The following ANO10 variants were observed in gnomAD, a reference collection of about 807,000 sequenced individuals.
ANO10 encodes the protein anoctamin 10.
In ANO10, 77 loss-of-function variants were observed where a neutral mutation model predicts 74.7. The observed-to-expected ratio is 1.03, with a 90% CI of 0.86 to 1.25. The LOEUF (loss-of-function observed/expected upper bound fraction) is 1.25, where lower values mean the gene tolerates loss of function less well. Among genes scored for constraint, ANO10 ranks in the 50% most tolerant of loss-of-function variants. The probability of loss-of-function intolerance (pLI) is 0.00; values close to 1 mark genes in which losing one functional copy is unlikely to be tolerated. For synonymous variants in ANO10, 279 were observed against 284.9 expected (o/e 0.98, Z 0.21); for missense variants, 721 against 778.1 (o/e 0.93, Z 0.87).
intron 11 of ANO10, among the ~76,000 whole-genome samples, chr3:43,530,284 TACGCTATTGAATAG>T (rs1307165104): frequency 6.6e-6 from 1 of 151,978 alleles, no homozygotes; most frequent in Non-Finnish European, 1.5e-5. Flanking sequence ...CTAACAGGAA[TACGCTATTGAATAG>T]ACTTTAACAA....
chr3:43,455,041 G>A (rs998989409), intron 11 of ANO10, among the ~76,000 whole-genome samples: 3 of 152,126 alleles, frequency 2.0e-5, no homozygotes, highest in African/African-American at 7.2e-5. Flanking sequence ...CTCATGGGGC[G>A]CAGATGTGGG....
chr3:43,586,788 A>C (rs903702846), intron 4 of ANO10, among the ~76,000 whole-genome samples: 1 of 152,180 alleles, frequency 6.6e-6, no homozygotes, highest in African/African-American at 2.4e-5. Flanking sequence ...TGAGAGCTGA[A>C]GGAGAGAGCT....
intron 11 of ANO10, among the ~76,000 whole-genome samples, chr3:43,494,742 A>G (rs1181227996): frequency 6.6e-6 from 1 of 152,166 alleles, no homozygotes; most frequent in African/African-American, 2.4e-5. Context: ...CTTATGTGAA[A>G]GAACTAAAAA....
At chr3:43,609,740 A>C (rs2082723530) in intron 1 of ANO10, among the ~76,000 whole-genome samples, 1 of 152,238 alleles carries the variant, frequency 6.6e-6, no homozygotes, top group Admixed American at 6.5e-5. Context: ...ACTGCACTGA[A>C]TCCTGTAGGC....
At chr3:43,690,802 GAT>G in intron 1 of ANO10, 1 of 474,528 alleles carries the variant, frequency 2.1e-6, no homozygotes, top group East Asian at 3.7e-5. Flanking sequence ...GCTGGCTGGG[GAT>G]GGCGGACGCA....
At position 43,577,165 on chromosome 3, in the gene ANO10, A is replaced by T. The variant is rs1314550031; in HGVS notation, c.689T>A (p.Leu230Ter). 1.9e-6 allele frequency: 3 copies of T among 1,614,204 alleles called. No homozygotes were observed. Among genetic ancestry groups the T allele is most frequent in the Non-Finnish European group, 2.5e-6 (3 of 1,180,018 alleles). ...FALIPMAVIG[L>*]PYYLFVWEDY... is the part of the protein sequence containing the mutation. ...TTCCCACACAAACAAGTAGTAAGGT[A>T]ACCCAATGACAGCCATGGGGATTAA... The change falls in exon 6 of 13, where the codon TTA (leucine) becomes TAA (stop). Residue 230 changes from leucine to a stop codon, truncating the protein, a stop_gained. Coordinates refer to ENST00000292246, the MANE Select transcript of ANO10 (RefSeq NM_018075.5). LOFTEE classifies it high-confidence loss of function.
intron 11 of ANO10, among the ~76,000 whole-genome samples, chr3:43,529,154 A>C (rs1321043049): frequency 6.6e-6 from 1 of 152,210 alleles, no homozygotes; most frequent in East Asian, 1.9e-4. Flanking sequence ...TGACCAAGTC[A>C]CTTGCTAAAG....
chr3:43,576,570 C>T (rs1439174558), intron 6 of ANO10, 122 bp downstream of exon 6: 9 of 1,016,610 alleles, frequency 8.9e-6, no homozygotes, highest in Non-Finnish European at 4.4e-6. Flanking sequence ...TTCCTTATGT[C>T]TCTATAATGA....
chr3:43,480,705 G>C (rs1194083939), intron 11 of ANO10, among the ~76,000 whole-genome samples: 1 of 152,182 alleles, frequency 6.6e-6, no homozygotes, highest in African/African-American at 2.4e-5. Flanking sequence ...CAGCCAGTCT[G>C]GAGGTGAACT....
chr3:43,593,052 T>G (rs183746644), intron 4 of ANO10, among the ~76,000 whole-genome samples: 1 of 151,780 alleles, frequency 6.6e-6, no homozygotes, highest in Admixed American at 6.6e-5. Context: ...AGAAGAGAAG[T>G]TTAGAGAAAA....
intron 11 of ANO10, among the ~76,000 whole-genome samples, chr3:43,531,005 T>A (rs1355820509): frequency 6.6e-6 from 1 of 152,166 alleles, no homozygotes; most frequent in Admixed American, 6.6e-5. Flanking sequence ...GAAAAAGTGT[T>A]GATATCAAAA....
At chr3:43,460,849 A>G (rs1400421914) in intron 11 of ANO10, among the ~76,000 whole-genome samples, 3 of 152,332 alleles carry the variant, frequency 2.0e-5, no homozygotes, top group Non-Finnish European at 2.9e-5. Flanking sequence ...ATACAACAAG[A>G]GCAGACACTC....
chr3:43,467,596 G>A (rs2075681065), intron 11 of ANO10, among the ~76,000 whole-genome samples: 1 of 152,226 alleles, frequency 6.6e-6, no homozygotes. Context: ...GGGAGTAGAA[G>A]GGACTGATTG....
intron 11 of ANO10, among the ~76,000 whole-genome samples, chr3:43,533,641 T>C (rs1050943306): frequency 2.0e-5 from 3 of 152,242 alleles, no homozygotes; most frequent in Admixed American, 2.0e-4. Flanking sequence ...AAATATTTGT[T>C]ATTCATAAGC....
At chr3:43,651,076 C>T (rs904284948) in intron 1 of ANO10, among the ~76,000 whole-genome samples, 4 of 152,002 alleles carry the variant, frequency 2.6e-5, no homozygotes, top group African/African-American at 9.7e-5. Context: ...AGCTGTTTTC[C>T]AAAAACTGTT....
At position 43,365,921 on chromosome 3, in the gene ANO10, CAGCGCTGGTGGGA is replaced by C. The variant is rs2125659677; in HGVS notation, c.*972_*984del. ...AGTGTCTTGGCTACAGCAGGACGGC[CAGCGCTGGTGGGA>C]AGGGCTGTATACGTGGGCAGCACTG... On this transcript the variant is annotated 3_prime_UTR_variant, in exon 13 of 13. Coordinates refer to ENST00000292246, the MANE Select transcript of ANO10 (RefSeq NM_018075.5). 1.3e-5 allele frequency: 2 copies of C among 152,566 alleles called. 1 individual carries two copies. The highest frequency in any genetic ancestry group is 4.1e-4 in the South Asian group (2 of 4,828). The allele number at this position is 152,566 out of a possible 1,614,324, so 9.5% of individuals were successfully genotyped here. A position where few individuals can be genotyped will look rare whatever the true frequency, so the allele number is the denominator to read the frequency against.
At chr3:43,596,966 C>T (rs2082117683) in intron 4 of ANO10, among the ~76,000 whole-genome samples, 2 of 152,308 alleles carry the variant, frequency 1.3e-5, no homozygotes, top group African/African-American at 2.4e-5. Context: ...TATGAACAGA[C>T]ATTTCTCAAA....
chr3:43,595,306 A>G (rs1488137370), intron 4 of ANO10, among the ~76,000 whole-genome samples: 1 of 152,208 alleles, frequency 6.6e-6, no homozygotes, highest in Non-Finnish European at 1.5e-5. Flanking sequence ...CAGAGACACA[A>G]CAAAAAAAGA....
intron 6 of ANO10, 88 bp from the exon 7 acceptor site, chr3:43,574,952 G>T: frequency 9.5e-7 from 1 of 1,054,952 alleles, no homozygotes; most frequent in Non-Finnish European, 1.5e-6. Context: ...CATTGAGGGC[G>T]GAGATGTCCA....
Sources: allele counts gnomAD v4.1 joint callset (sites outside exome capture counted in the v4.1 genomes callset), GRCh38; gene constraint gnomAD v4.1.1; transcripts MANE v1.5; gene names NCBI Gene and HGNC (gene_info 2026-07-23, HGNC 2026-07-21).